The following GINS2 variants were observed in gnomAD, a reference collection of about 807,000 sequenced individuals.
GINS2 encodes the protein DNA replication complex GINS protein PSF2.
Under a neutral mutation model 21.2 loss-of-function variants are expected in GINS2, and 23 were observed. The ratio of observed to expected loss-of-function variants is 1.08; its 90% CI spans 0.78 to 1.53. The LOEUF (loss-of-function observed/expected upper bound fraction) is 1.53, where lower values mean the gene tolerates loss of function less well. Ranked by LOEUF, GINS2 falls within the 40% of genes most tolerant of loss-of-function variation. The pLI is 0.00. For missense variants in GINS2, 323 were observed against 233.9 expected (o/e 1.38, Z -2.49); for synonymous variants, 118 against 85.6 (o/e 1.38, Z -2.09).
intron 3 of GINS2, among the ~76,000 whole-genome samples, chr16:85,678,908 T>TG (rs1223097615): frequency 6.6e-6 from 1 of 152,240 alleles, no homozygotes; most frequent in Non-Finnish European, 1.5e-5. Context: ...ACAGGACTGC[T>TG]GTTTACCTAA....
intron 2 of GINS2, among the ~76,000 whole-genome samples, chr16:85,683,706 T>A (rs999293818): frequency 6.6e-6 from 1 of 152,260 alleles, no homozygotes; most frequent in Non-Finnish European, 1.5e-5. Context: ...CCACTCTCAG[T>A]GCTTGCCTGG....
chr16:85,677,278 T>A lies in GINS2; in HGVS notation c.*934A>T, dbSNP rs1259955832. 6.6e-6 allele frequency: 1 copy of A among 152,172 alleles called. No individual in the cohort carries two copies. The highest frequency in any genetic ancestry group is 2.4e-5 in the African/African-American group (1 of 41,426). The allele number at this position is 152,172 out of a possible 1,614,324, so 9.4% of individuals were successfully genotyped here. ...CAAGGTAATGTAATTTCTGTAAAGG[T>A]CCTAACATTTCCAAAATGCTACGAA... On this transcript the variant is annotated 3_prime_UTR_variant, in exon 5 of 5. Coordinates refer to ENST00000253462, the MANE Select transcript of GINS2 (RefSeq NM_016095.3).
At chr16:85,686,053 G>C (rs901097592) in intron 2 of GINS2, among the ~76,000 whole-genome samples, 2 of 151,972 alleles carry the variant, frequency 1.3e-5, no homozygotes, top group Admixed American at 6.6e-5. Flanking sequence ...TCCAAGAGAA[G>C]AAAAAGATTT....
At chr16:85,687,088 G>T (rs781702111) in intron 2 of GINS2, among the ~76,000 whole-genome samples, 4 of 152,210 alleles carry the variant, frequency 2.6e-5, no homozygotes, top group Non-Finnish European at 5.9e-5. Flanking sequence ...GGGTGTGGTG[G>T]CGCACGCCAG....
At chr16:85,682,369 A>G (rs1476328807) in intron 2 of GINS2, among the ~76,000 whole-genome samples, 1 of 152,158 alleles carries the variant, frequency 6.6e-6, no homozygotes, top group Non-Finnish European at 1.5e-5. Flanking sequence ...ATTTATTTAT[A>G]CTAAGCCTTG....
chr16:85,681,741 TC>T (rs1370620590), intron 2 of GINS2, 60 bp from the exon 3 acceptor site: 1 of 1,059,504 alleles, frequency 9.4e-7, no homozygotes, highest in Non-Finnish European at 1.4e-6. Flanking sequence ...TATTAAACCT[TC>T]CAAATTTACC....
At chr16:85,678,432 T>C (rs371335398) in intron 4 of GINS2, 95 bp from the exon 5 acceptor site, 6 of 1,556,254 alleles carry the variant, frequency 3.9e-6, no homozygotes, top group African/African-American at 2.7e-5. Flanking sequence ...CAATGAACTG[T>C]TGAAAAGCAC....
intron 1 of GINS2, 93 bp from the exon 2 acceptor site, chr16:85,687,667 G>T: frequency 2.9e-6 from 2 of 687,632 alleles, no homozygotes. Flanking sequence ...GCAAGGCATT[G>T]CAGAGGCTGA....
intron 2 of GINS2, among the ~76,000 whole-genome samples, chr16:85,685,523 T>A (rs1203377216): frequency 1.3e-5 from 2 of 150,776 alleles, no homozygotes; most frequent in Admixed American, 6.6e-5. Context: ...ATCAAAAAAT[T>A]AGTCAGGCAT....
rs1017605745 is a variant in GINS2, at chr16:85,677,846, C to G, written c.*366G>C. Reference sequence around the variant, plus strand: ...TAAAAAGCCGTGGACCACATGGCCACTCCTGCTGTATCTACACCTACCAGT... The same window carrying G: ...TAAAAAGCCGTGGACCACATGGCCAGTCCTGCTGTATCTACACCTACCAGT... On this transcript the variant is annotated 3_prime_UTR_variant, in exon 5 of 5. Coordinates refer to ENST00000253462, the MANE Select transcript of GINS2 (RefSeq NM_016095.3). The G allele has an allele frequency of 1.1e-5, 2 of 184,412 alleles. No individual in the cohort carries two copies. Among genetic ancestry groups the G allele is most frequent in the Non-Finnish European group, 1.1e-5 (1 of 87,786 alleles). 11.4% of individuals were successfully genotyped at this position (184,412 alleles called of 1,614,324 possible).
At chr16:85,681,419 G>C (rs930061139) in intron 3 of GINS2, among the ~76,000 whole-genome samples, 163 bp downstream of exon 3, 1 of 152,210 alleles carries the variant, frequency 6.6e-6, no homozygotes, top group African/African-American at 2.4e-5. Context: ...GCAGGTGTGT[G>C]TACACAGATG....
At chr16:85,684,413 C>G (rs916829469) in intron 2 of GINS2, among the ~76,000 whole-genome samples, 1 of 151,808 alleles carries the variant, frequency 6.6e-6, no homozygotes, top group Non-Finnish European at 1.5e-5. Flanking sequence ...GAGGATCACT[C>G]GAGCCCAGGA....
intron 1 of GINS2, 96 bp from the exon 2 acceptor site, chr16:85,687,670 G>A (rs2053789427): frequency 1.5e-6 from 1 of 665,050 alleles, no homozygotes; most frequent in Non-Finnish European, 2.5e-6. Flanking sequence ...AGGCATTGCA[G>A]AGGCTGAAGT....
At chr16:85,688,478 G>A (rs571561467) in intron 1 of GINS2, among the ~76,000 whole-genome samples, 1 of 152,166 alleles carries the variant, frequency 6.6e-6, no homozygotes, top group African/African-American at 2.4e-5. Flanking sequence ...CCCGGGAGGC[G>A]GAGGCTGCAG....
chr16:85,685,681 A>AAAAACAAAAAAAAAAAAAACAAC (rs1567792824), intron 2 of GINS2, among the ~76,000 whole-genome samples: 1 of 147,950 alleles, frequency 6.8e-6, no homozygotes, highest in African/African-American at 2.5e-5. Flanking sequence ...AAAAAAAAAA[A>AAAAACAAAAAAAAAAAAAACAAC]AAAAAAAAAA....
chr16:85,682,412 G>A (rs1216725446), intron 2 of GINS2, among the ~76,000 whole-genome samples: 1 of 151,820 alleles, frequency 6.6e-6, no homozygotes, highest in African/African-American at 2.4e-5. Context: ...TACAAAACTA[G>A]AGCCACCCCA....
intron 2 of GINS2, among the ~76,000 whole-genome samples, chr16:85,685,480 T>G (rs563148636): frequency 6.7e-6 from 1 of 150,086 alleles, no homozygotes; most frequent in East Asian, 2.0e-4. Flanking sequence ...CTGGGCAACA[T>G]AGCAAGACCC....
rs2053706624 is a variant in GINS2, at chr16:85,678,643, G to A, written c.329C>T (p.Ala110Val). The A allele has an allele frequency of 1.4e-5, 22 of 1,613,810 alleles. No homozygotes were observed. Among genetic ancestry groups the A allele is most frequent in the Non-Finnish European group, 1.9e-5 (22 of 1,179,950 alleles). The change falls in exon 4 of 5, where the codon GCA becomes GTA. Residue 110 changes from alanine to valine, a missense_variant. Transcript: ENST00000253462. The part of the protein sequence containing the change: ...LNHASDNIPK[A>V]DEIRTLVKDM... The stretch of plus-strand genomic sequence containing the variant: ...CTTGACCAGGGTCCGGATTTCGTCT[G>A]CCTTCGGGATGTTGTCTGAAGCACT...
intron 3 of GINS2, among the ~76,000 whole-genome samples, chr16:85,681,024 G>A (rs1213863322): frequency 6.6e-6 from 1 of 152,210 alleles, no homozygotes; most frequent in Non-Finnish European, 1.5e-5. Flanking sequence ...AAGCTGAGCG[G>A]AGCCAGTATG....
Sources: allele counts gnomAD v4.1 joint callset (sites outside exome capture counted in the v4.1 genomes callset), GRCh38; gene constraint gnomAD v4.1.1; transcripts MANE v1.5; gene names NCBI Gene and HGNC (gene_info 2026-07-23, HGNC 2026-07-21).